GPR174: variants seen among roughly 807,000 people sequenced by gnomAD.
GPR174 encodes probable G protein-coupled receptor 174.
In GPR174, 8 loss-of-function variants were observed where a neutral mutation model predicts 16.5. The observed-to-expected ratio is 0.48, with a 90% CI of 0.28 to 0.87. The LOEUF is 0.87. Ranked by LOEUF, GPR174 falls within the 40% of genes least tolerant of loss-of-function variation. The pLI, the probability that GPR174 is intolerant of heterozygous loss-of-function variation, is 0.09. For missense variants in GPR174, 214 were observed against 247.5 expected (o/e 0.86, Z 0.91); for synonymous variants, 111 against 94.8 (o/e 1.17, Z -0.99).
At chrX:79,169,202 GA>G (rs963477233) in intron 2 of GPR174, among the ~76,000 whole-genome samples, 75 of 108,415 alleles carry the variant, frequency 6.9e-4, no homozygotes, top group African/African-American at 2.4e-3. Context: ...GTATGCTGAG[GA>G]AAAAAAAAAT....
chrX:79,161,411 A>G (rs1473240839), intron 2 of GPR174, among the ~76,000 whole-genome samples: 1 of 112,767 alleles, frequency 8.9e-6, no homozygotes, highest in Admixed American at 9.4e-5. Flanking sequence ...AAAAAATTGC[A>G]AATAACATTT....
At chrX:79,166,726 C>T (rs761956124) in intron 2 of GPR174, among the ~76,000 whole-genome samples, 5 of 110,490 alleles carry the variant, frequency 4.5e-5, no homozygotes, top group Admixed American at 9.7e-5. Context: ...TGAGCCACTG[C>T]GCCCGGCCTA....
rs1314197811 is a variant in GPR174 at position 79,145,006 on chromosome X, CTTTCTTTCTTTCTTTCTTTCTT to C, written c.-863_-842del. On this transcript the variant is annotated 5_prime_UTR_variant, in exon 1 of 3. Coordinates refer to ENST00000645147, the MANE Select transcript of GPR174 (RefSeq NM_032553.3). The stretch of plus-strand genomic sequence containing the variant: ...TCTTTCTTTCTTTCTCTCTCTCTCT[CTTTCTTTCTTTCTTTCTTTCTT>C]TCTTTCTTTCTTTCTTTCTTTCTTT... The C allele has an allele frequency of 0.032, 218 of 6,737 alleles. 1 individual carries two copies. The highest frequency in any genetic ancestry group is 0.13 in the Middle Eastern group (2 of 15). The allele number at this position is 6,737 out of a possible 1,213,427, so 0.6% of individuals were successfully genotyped here. A position where few individuals can be genotyped will look rare whatever the true frequency, so the allele number is the denominator to read the frequency against.
chrX:79,165,609 G>A (rs1162127763), intron 2 of GPR174, among the ~76,000 whole-genome samples: 2 of 111,426 alleles, frequency 1.8e-5, no homozygotes, highest in Non-Finnish European at 3.8e-5. Context: ...AAGGATTTTC[G>A]GTCCCTTAAA....
At chrX:79,164,953 A>G (rs1008144250) in intron 2 of GPR174, among the ~76,000 whole-genome samples, 7 of 111,652 alleles carry the variant, frequency 6.3e-5, no homozygotes, top group African/African-American at 2.3e-4. Flanking sequence ...AGACACCTGT[A>G]TTTTAAATTA....
rs184490160 is a variant in GPR174, at chrX:79,172,891, C to T, written c.*882C>T. 3.0e-4 allele frequency: 33 copies of T among 111,702 alleles called. No individual in the cohort carries two copies. The highest frequency in any genetic ancestry group is 1.1e-3 in the African/African-American group (33 of 30,727). 9.2% of individuals were successfully genotyped at this position (111,702 alleles called of 1,213,427 possible). A position where few individuals can be genotyped will look rare whatever the true frequency, so the allele number is the denominator to read the frequency against. On this transcript the variant is annotated 3_prime_UTR_variant, in exon 3 of 3. Transcript: ENST00000645147. ...CCCGCCTAGTAGAGGAAGTTTTTAT[C>T]ATGTTTCTAGAGATACATTGAGGTA...
At chrX:79,148,355 C>T (rs1926540739) in intron 1 of GPR174, among the ~76,000 whole-genome samples, 1 of 111,998 alleles carries the variant, frequency 8.9e-6, no homozygotes, top group African/African-American at 3.2e-5. Flanking sequence ...CAAAATGTCA[C>T]ACTACTTAGG....
intron 2 of GPR174, among the ~76,000 whole-genome samples, chrX:79,165,421 A>G (rs758737765): frequency 9.0e-6 from 1 of 111,136 alleles, no homozygotes; most frequent in South Asian, 3.8e-4. Flanking sequence ...GTTTGTGTGA[A>G]GTACTGACAT....
chrX:79,166,712 G>A (rs1921380708), intron 2 of GPR174, among the ~76,000 whole-genome samples: 1 of 110,350 alleles, frequency 9.1e-6, no homozygotes, highest in South Asian at 3.8e-4. Flanking sequence ...TGGGATTACA[G>A]GTGTGAGCCA....
intron 1 of GPR174, among the ~76,000 whole-genome samples, chrX:79,151,329 G>C (rs1029636836): frequency 9.0e-6 from 1 of 111,329 alleles, no homozygotes; most frequent in Non-Finnish European, 1.9e-5. Context: ...CTTGCCCAGT[G>C]ATATACAACT....
At chrX:79,162,125 A>G (rs191805827) in intron 2 of GPR174, among the ~76,000 whole-genome samples, 219 of 111,973 alleles carry the variant, frequency 2.0e-3, no homozygotes, top group Non-Finnish European at 3.6e-3. Context: ...TTAAATGGAC[A>G]TGAAGCTAGA....
intron 1 of GPR174, among the ~76,000 whole-genome samples, chrX:79,148,606 C>T (rs1926545615): frequency 9.0e-6 from 1 of 111,300 alleles, no homozygotes; most frequent in South Asian, 3.8e-4. Context: ...CAGACTTTAT[C>T]CCCTCGGACT....
rs1412284833 is a variant in GPR174, at chrX:79,170,824, T to C, written c.-184T>C. 4.6e-6 allele frequency: 2 copies of C among 432,237 alleles called. No homozygotes were observed. Among genetic ancestry groups the C allele is most frequent in the Non-Finnish European group, 8.0e-6 (2 of 251,254 alleles). 35.6% of individuals were successfully genotyped at this position (432,237 alleles called of 1,213,427 possible). On this transcript the variant is annotated 5_prime_UTR_variant, in exon 3 of 3. Transcript: ENST00000645147. The stretch of plus-strand genomic sequence containing the variant: ...GAGAAATCTAAATCAAAAATGCAGA[T>C]CATTCTTTGAAAAATCCCCAAATCA...
chrX:79,153,414 CAA>C lies in GPR174; in HGVS notation c.-653-3406_-653-3405del, dbSNP rs1448194802. ...CAAACTGGAGCAGCAGGAAATGGGC[CAA>C]AGAGTAAAAATAACATTCGTCTTAT... On this transcript the variant is annotated intron_variant, in intron 1 of 2. Coordinates refer to ENST00000645147, the MANE Select transcript of GPR174 (RefSeq NM_032553.3). 5.4e-5 allele frequency among the ~76,000 whole-genome samples: 6 copies of C among 111,414 alleles called. 1 individual carries two copies. Among genetic ancestry groups the C allele is most frequent in the Admixed American group, 4.8e-4 (5 of 10,474 alleles).
rs1278477541 is a variant in GPR174, at chrX:79,174,688, A to G, written c.*2679A>G. 2 of 110,993 alleles carry G rather than the reference A, an allele frequency of 1.8e-5. No homozygotes were observed. Among genetic ancestry groups the G allele is most frequent in the Non-Finnish European group, 3.8e-5 (2 of 52,929 alleles). 9.1% of individuals were successfully genotyped at this position (110,993 alleles called of 1,213,427 possible). On this transcript the variant is annotated 3_prime_UTR_variant, in exon 3 of 3. Coordinates refer to ENST00000645147, the MANE Select transcript of GPR174 (RefSeq NM_032553.3). The stretch of plus-strand genomic sequence containing the variant: ...TCAGATGTCTGCTCACCTTCTTTTC[A>G]TTTTGCCTCTCTCCTTTCCTACGTT...
chrX:79,166,013 G>A lies in GPR174; in HGVS notation c.-556-4439G>A, dbSNP rs189755322. On this transcript the variant is annotated intron_variant, in intron 2 of 2. Coordinates refer to ENST00000645147, the MANE Select transcript of GPR174 (RefSeq NM_032553.3). ...AAATCCCCACAGCCCTGTCAGCACC[G>A]AGAACAGGAAACATACAGCTTTCCC... is the stretch of plus-strand genomic sequence containing the variant. Among the ~76,000 whole-genome samples, 819 of 111,392 alleles carry A rather than the reference G, an allele frequency of 7.4e-3. 4 individuals are homozygous for A. The highest frequency in any genetic ancestry group is 0.012 in the Non-Finnish European group (649 of 52,984).
intron 1 of GPR174, among the ~76,000 whole-genome samples, chrX:79,153,890 CT>C (rs1039342213): frequency 2.5e-4 from 28 of 111,744 alleles, no homozygotes; most frequent in Non-Finnish European, 3.8e-5. Context: ...TACTTACTTT[CT>C]TTGGGCCTCA....
chrX:79,152,408 T>C (rs1278343645), intron 1 of GPR174, among the ~76,000 whole-genome samples: 1 of 111,487 alleles, frequency 9.0e-6, no homozygotes, highest in Non-Finnish European at 1.9e-5. Context: ...CAGAGAGAAT[T>C]AACTGGAATC....
At chrX:79,169,599 T>A (rs1921459882) in intron 2 of GPR174, among the ~76,000 whole-genome samples, 1 of 111,895 alleles carries the variant, frequency 8.9e-6, no homozygotes, top group African/African-American at 3.2e-5. Flanking sequence ...CAAAGCAGGA[T>A]GTTTCATAAT....
Sources: gnomAD v4.1 joint callset for allele counts (sites outside exome capture counted in the v4.1 genomes callset) on GRCh38, gnomAD v4.1.1 for gene constraint, MANE v1.5 for transcripts, NCBI Gene and HGNC (gene_info 2026-07-23, HGNC 2026-07-21) for gene names.